Variants in PRKAR2A observed in about 807,000 individuals in gnomAD.
The protein encoded by PRKAR2A is protein kinase cAMP-dependent type II regulatory subunit alpha, also known as cAMP-dependent protein kinase type II-alpha regulatory subunit.
A neutral mutation model predicts 51.9 loss-of-function variants in PRKAR2A; 29 were observed. The observed-to-expected ratio is 0.56, with a 90% CI of 0.42 to 0.76. PRKAR2A has a LOEUF of 0.76. Among genes scored for constraint, PRKAR2A ranks in the 30% least tolerant of loss-of-function variants. PRKAR2A has a pLI of 0.00. For synonymous variants in PRKAR2A, 178 were observed against 186.2 expected, an observed-to-expected ratio of 0.96 and a Z score of 0.36; for missense variants, 445 against 512.1, an observed-to-expected ratio of 0.87 and a Z score of 1.26.
At chr3:48,764,973 A>C (rs2081917557) in intron 8 of PRKAR2A, 31 bp downstream of exon 8, 1 of 1,598,078 alleles carries the variant, frequency 6.3e-7, no homozygotes, top group African/African-American at 1.3e-5. Flanking sequence ...GGTGACTTCC[A>C]GGAAAGGAGC....
intron 5 of PRKAR2A, among the ~76,000 whole-genome samples, chr3:48,775,732 T>C (rs2082096031): frequency 6.6e-6 from 1 of 152,096 alleles, no homozygotes; most frequent in Non-Finnish European, 1.5e-5. Context: ...TTTATAATAG[T>C]AAAAACTATA....
intron 5 of PRKAR2A, among the ~76,000 whole-genome samples, chr3:48,781,935 C>T (rs944476624): frequency 1.3e-5 from 2 of 152,126 alleles, no homozygotes; most frequent in Non-Finnish European, 2.9e-5. Flanking sequence ...CATGAGCCAC[C>T]GCACCAGGCC....
chr3:48,844,140 GA>G (rs1353890783), intron 1 of PRKAR2A, among the ~76,000 whole-genome samples: 4 of 151,958 alleles, frequency 2.6e-5, no homozygotes, highest in Non-Finnish European at 5.9e-5. Flanking sequence ...AAATTTACAA[GA>G]AAAAAACTAA....
chr3:48,745,512 G>T (rs2081554052), downstream of PRKAR2A, among the ~76,000 whole-genome samples: 1 of 150,118 alleles, frequency 6.7e-6, no homozygotes. Context: ...TTCTGTGAGG[G>T]TGTTTTTGGA....
intron 5 of PRKAR2A, among the ~76,000 whole-genome samples, chr3:48,778,821 ATTTT>A (rs759904828): frequency 2.3e-5 from 2 of 86,404 alleles, no homozygotes; most frequent in Non-Finnish European, 4.7e-5. Context: ...CTCGGCCTGC[ATTTT>A]TTTTTTTTTT....
rs529867252 is a variant in PRKAR2A at position 48,803,275 on chromosome 3, T to C, written c.298+4374A>G. Among the ~76,000 whole-genome samples the C allele has an allele frequency of 3.5e-4, 54 of 152,206 alleles. 1 individual carries two copies. In the Middle Eastern group the frequency reaches 0.01, roughly 29 times the overall value. On this transcript the variant is annotated intron_variant, in intron 2 of 10. Transcript: ENST00000265563. ...CAAAAAATAAATTAGCTGGGCATGG[T>C]GGTGCACACTTGTCGTCCCAGCTAC...
intron 1 of PRKAR2A, among the ~76,000 whole-genome samples, chr3:48,835,460 T>G (rs1164895053): frequency 1.3e-5 from 2 of 151,522 alleles, no homozygotes; most frequent in Non-Finnish European, 2.9e-5. Flanking sequence ...GCTAACACGG[T>G]GAAACCCCAT....
chr3:48,827,940 C>T lies in PRKAR2A; in HGVS notation c.262+19395G>A, dbSNP rs566849403. 9.9e-5 allele frequency among the ~76,000 whole-genome samples: 15 copies of T among 152,234 alleles called. 1 individual carries two copies. In the South Asian group the frequency reaches 2.9e-3, roughly 29 times the overall value. On this transcript the variant is annotated intron_variant, in intron 1 of 10. Transcript: ENST00000265563. ...CCAATCATGGTACGATCTCAGCTCA[C>T]CTCAATCTCCACCTCTCGGGTTCAA...
intron 1 of PRKAR2A, among the ~76,000 whole-genome samples, chr3:48,839,940 T>C (rs2083349660): frequency 6.6e-6 from 1 of 152,190 alleles, no homozygotes; most frequent in African/African-American, 2.4e-5. Context: ...ACATACATTG[T>C]GCAACCATCA....
intron 1 of PRKAR2A, among the ~76,000 whole-genome samples, chr3:48,843,603 A>C (rs1376019022): frequency 1.3e-5 from 2 of 152,206 alleles, no homozygotes; most frequent in African/African-American, 2.4e-5. Context: ...AGGCTACAGT[A>C]ACCAAAACAG....
At chr3:48,795,109 T>TGGACTGAGCTACTGAACTCTAGTGCA in intron 2 of PRKAR2A, among the ~76,000 whole-genome samples, 2 of 152,164 alleles carry the variant, frequency 1.3e-5, no homozygotes, top group African/African-American at 4.8e-5. Flanking sequence ...CCAGAGTAGC[T>TGGACTGAGCTACTGAACTCTAGTGCA]GGGACTACAG....
chr3:48,756,821 A>G (rs1326797913), intron 8 of PRKAR2A, among the ~76,000 whole-genome samples: 2 of 152,332 alleles, frequency 1.3e-5, no homozygotes, highest in South Asian at 4.1e-4. Context: ...TTTTGTCTTC[A>G]CTGAGAATCT....
intron 1 of PRKAR2A, among the ~76,000 whole-genome samples, chr3:48,820,467 C>T (rs1306612443): frequency 6.6e-6 from 1 of 152,166 alleles, no homozygotes; most frequent in Non-Finnish European, 1.5e-5. Flanking sequence ...CCTTAATTCT[C>T]TTGCACATAG....
At chr3:48,783,577 T>A (rs763747352) in intron 4 of PRKAR2A, among the ~76,000 whole-genome samples, 9 of 151,970 alleles carry the variant, frequency 5.9e-5, no homozygotes, top group Non-Finnish European at 1.2e-4. Flanking sequence ...CTTCAGTATC[T>A]TGTTTGTTTT....
intron 2 of PRKAR2A, among the ~76,000 whole-genome samples, chr3:48,795,332 T>C (rs773751135): frequency 2.6e-5 from 4 of 152,110 alleles, no homozygotes; most frequent in Non-Finnish European, 5.9e-5. Flanking sequence ...TTTTCACATA[T>C]TTTAAAAATT....
intron 5 of PRKAR2A, among the ~76,000 whole-genome samples, chr3:48,781,830 T>C (rs1287924225): frequency 6.6e-6 from 1 of 151,454 alleles, no homozygotes; most frequent in South Asian, 2.1e-4. Context: ...ATTTTTTAAG[T>C]AGAGGGAGTT....
chr3:48,809,144 C>A (rs1375446676), intron 1 of PRKAR2A, among the ~76,000 whole-genome samples: 1 of 152,052 alleles, frequency 6.6e-6, no homozygotes, highest in Non-Finnish European at 1.5e-5. Flanking sequence ...ACTTCTGTTA[C>A]AATATAAAGT....
At chr3:48,796,666 C>T (rs1358552496) in intron 2 of PRKAR2A, among the ~76,000 whole-genome samples, 2 of 103,956 alleles carry the variant, frequency 1.9e-5, no homozygotes, top group Admixed American at 1.3e-4. Flanking sequence ...TTAGTAGAGA[C>T]GGGGTTTTTT....
intron 1 of PRKAR2A, among the ~76,000 whole-genome samples, chr3:48,838,978 C>T (rs1373918595): frequency 6.8e-5 from 10 of 147,132 alleles, no homozygotes; most frequent in South Asian, 4.3e-4. Flanking sequence ...AGCAAGACTC[C>T]GTCTCAAAAA....
Sources: gnomAD v4.1 joint callset for allele counts (sites outside exome capture counted in the v4.1 genomes callset) on GRCh38, gnomAD v4.1.1 for gene constraint, MANE v1.5 for transcripts, NCBI Gene and HGNC (gene_info 2026-07-23, HGNC 2026-07-21) for gene names.